The following SEMA5A variants were observed in gnomAD, a reference collection of about 807,000 sequenced individuals.
SEMA5A encodes the protein semaphorin-5A.
Under a neutral mutation model 135.5 loss-of-function variants are expected in SEMA5A, and 55 were observed. The ratio of observed to expected loss-of-function variants is 0.41; its 90% CI spans 0.33 to 0.51. SEMA5A has a LOEUF of 0.51. Among genes scored for constraint, SEMA5A ranks in the 20% least tolerant of loss-of-function variants. SEMA5A has a pLI of 0.37. For missense variants in SEMA5A, 1,290 were observed against 1,419.9 expected (o/e 0.91, Z 1.47); for synonymous variants, 580 against 546.5 (o/e 1.06, Z -0.85).
At chr5:9,049,485 A>G (rs1736452171) in intron 21 of SEMA5A, among the ~76,000 whole-genome samples, 1 of 152,200 alleles carries the variant, frequency 6.6e-6, no homozygotes, top group Non-Finnish European at 1.5e-5. Flanking sequence ...TAATCAAGGT[A>G]GTTAATAATG....
At chr5:9,278,768 A>T (rs1394533092) in intron 5 of SEMA5A, among the ~76,000 whole-genome samples, 1 of 152,228 alleles carries the variant, frequency 6.6e-6, no homozygotes, top group African/African-American at 2.4e-5. Context: ...GCAAGCCCCA[A>T]GCCTCAGTAG....
At chr5:9,542,480 G>A (rs3798098) in intron 1 of SEMA5A, among the ~76,000 whole-genome samples, 5,624 of 152,210 alleles carry the variant, frequency 0.037, 170 homozygotes, top group East Asian at 0.17. Flanking sequence ...GTAGATGCAG[G>A]TGAGCAGAAA....
chr5:9,349,821 G>A (rs1754034386), intron 3 of SEMA5A, among the ~76,000 whole-genome samples: 1 of 152,048 alleles, frequency 6.6e-6, no homozygotes, highest in African/African-American at 2.4e-5. Flanking sequence ...AGAATTGCTT[G>A]AACCCAGGAG....
At chr5:9,508,003 C>CAAAAA (rs767047665) in intron 1 of SEMA5A, among the ~76,000 whole-genome samples, 6 of 26,338 alleles carry the variant, frequency 2.3e-4, no homozygotes, top group African/African-American at 8.3e-4. Context: ...GACTCTGTCT[C>CAAAAA]AAAAAAAAAA....
intron 16 of SEMA5A, among the ~76,000 whole-genome samples, chr5:9,087,881 A>G (rs1402794216): frequency 6.6e-6 from 1 of 152,216 alleles, no homozygotes; most frequent in Admixed American, 6.5e-5. Flanking sequence ...TTTCTCTCCT[A>G]GGAAACATTG....
intron 5 of SEMA5A, among the ~76,000 whole-genome samples, chr5:9,252,250 T>A (rs1177135799): frequency 6.6e-6 from 1 of 152,186 alleles, no homozygotes; most frequent in Non-Finnish European, 1.5e-5. Context: ...CTACTGAGAT[T>A]TCAACCCAGT....
Position 9,131,666 on chromosome 5 carries a change from T to C in SEMA5A, c.1599+4838A>G, listed in dbSNP as rs541478551. ...AAAAAAAAAAAAAAAAAACCTGTCA[T>C]GTGAGCAATAGAGCAAGAATGCAGT... On this transcript the variant is annotated intron_variant, in intron 13 of 22. Transcript: ENST00000382496. Among the ~76,000 whole-genome samples the C allele has an allele frequency of 1.8e-3, 216 of 119,802 alleles. 3 individuals carry two copies. Among genetic ancestry groups the C allele is most frequent in the African/African-American group, 7.2e-3 (211 of 29,166 alleles). 78.6% of individuals were successfully genotyped at this position (119,802 alleles called of 152,430 possible).
At position 9,201,940 on chromosome 5, in the gene SEMA5A, T is replaced by C; in HGVS notation, c.932+15A>G. 6.2e-7 allele frequency: 1 copy of C among 1,606,002 alleles called. No individual in the cohort carries two copies. Among genetic ancestry groups the C allele is most frequent in the South Asian group, 1.1e-5 (1 of 90,716 alleles). On this transcript the variant is annotated intron_variant, in intron 9 of 22. Coordinates refer to ENST00000382496, the MANE Select transcript of SEMA5A (RefSeq NM_003966.3). ...AGTAAGAGAGAGGGGAGAAAAATTA[T>C]TTCAAGTTACATACACATTGGTGGT...
intron 2 of SEMA5A, among the ~76,000 whole-genome samples, chr5:9,431,208 A>G (rs1757845980): frequency 1.3e-5 from 2 of 152,186 alleles, no homozygotes; most frequent in Admixed American, 1.3e-4. Flanking sequence ...AACAGTTCTC[A>G]AAAAGTATGT....
At chr5:9,475,453 A>C (rs902704916) in intron 1 of SEMA5A, among the ~76,000 whole-genome samples, 1 of 152,238 alleles carries the variant, frequency 6.6e-6, no homozygotes, top group African/African-American at 2.4e-5. Context: ...GGCTCTGTGA[A>C]TACATTCTCT....
intron 16 of SEMA5A, among the ~76,000 whole-genome samples, chr5:9,099,330 A>G (rs973656606): frequency 5.3e-5 from 8 of 152,168 alleles, no homozygotes; most frequent in Admixed American, 3.9e-4. Flanking sequence ...CACTTTGACA[A>G]TCTTTCATAT....
intron 8 of SEMA5A, among the ~76,000 whole-genome samples, chr5:9,220,399 G>A (rs1473741349): frequency 6.6e-6 from 1 of 151,530 alleles, no homozygotes; most frequent in Non-Finnish European, 1.5e-5. Context: ...GGATAGATGG[G>A]AATCCAAGTA....
intron 1 of SEMA5A, among the ~76,000 whole-genome samples, chr5:9,450,327 T>G (rs1210072668): frequency 6.6e-6 from 1 of 152,240 alleles, no homozygotes; most frequent in Non-Finnish European, 1.5e-5. Context: ...ATGTCATGCT[T>G]ATATGGATAA....
At chr5:9,200,671 G>A (rs752053820) in intron 9 of SEMA5A, among the ~76,000 whole-genome samples, 4 of 152,188 alleles carry the variant, frequency 2.6e-5, no homozygotes, top group Non-Finnish European at 5.9e-5. Flanking sequence ...CTAACCTCAT[G>A]TCAGAAAGAA....
In SEMA5A at chr5:9,479,634, A is replaced by G. The variant is rs1437635465; in HGVS notation, c.-174-41782T>C. Reference sequence around the variant, plus strand: ...AACGGAAGTGGTTATTATTGGCAACATGATGTGGGTAAGATTTGTGGTAAG... The same window carrying G: ...AACGGAAGTGGTTATTATTGGCAACGTGATGTGGGTAAGATTTGTGGTAAG... On this transcript the variant is annotated intron_variant, in intron 1 of 22. Coordinates refer to ENST00000382496, the MANE Select transcript of SEMA5A (RefSeq NM_003966.3). Among the ~76,000 whole-genome samples, 5 of 152,208 alleles carry G rather than the reference A, an allele frequency of 3.3e-5. No homozygotes were observed. The East Asian group carries it at 9.6e-4, about 29-fold the overall frequency.
At chr5:9,316,263 C>T (rs1402714901) in intron 5 of SEMA5A, among the ~76,000 whole-genome samples, 1 of 152,136 alleles carries the variant, frequency 6.6e-6, no homozygotes, top group African/African-American at 2.4e-5. Context: ...AAACAACAAG[C>T]TCTTCCAGTC....
chr5:9,253,008 C>T (rs2150493448), intron 5 of SEMA5A, among the ~76,000 whole-genome samples: 1 of 152,268 alleles, frequency 6.6e-6, no homozygotes, highest in Non-Finnish European at 1.5e-5. Flanking sequence ...TTGGAGTATC[C>T]ACCTCATTAG....
At chr5:9,536,434 G>GA (rs1238659299) in intron 1 of SEMA5A, among the ~76,000 whole-genome samples, 1 of 151,974 alleles carries the variant, frequency 6.6e-6, no homozygotes, top group Non-Finnish European at 1.5e-5. Flanking sequence ...CCAACATGGT[G>GA]AAACCCTGTC....
At chr5:9,517,571 G>C (rs1561315626) in intron 1 of SEMA5A, 1 of 152,182 alleles carries the variant, frequency 6.6e-6, no homozygotes. Flanking sequence ...ACCTGTTGTA[G>C]TTCACTTTTT....
Sources: allele counts gnomAD v4.1 joint callset (sites outside exome capture counted in the v4.1 genomes callset), GRCh38; gene constraint gnomAD v4.1.1; transcripts MANE v1.5; gene names NCBI Gene and HGNC (gene_info 2026-07-23, HGNC 2026-07-21).